The following WDR64 variants were observed in gnomAD, a reference collection of about 807,000 sequenced individuals.
The protein encoded by WDR64 is WD repeat-containing protein 64.
WDR64 carries 112 observed loss-of-function variants against 139.3 expected under a neutral mutation model. The ratio of observed to expected loss-of-function variants is 0.80; its 90% CI spans 0.69 to 0.94. The LOEUF is 0.94. Ranked by LOEUF, WDR64 falls within the 40% of genes least tolerant of loss-of-function variation. WDR64 has a pLI of 0.00. For synonymous variants in WDR64, 444 were observed against 437.7 expected, an observed-to-expected ratio of 1.01 and a Z score of -0.18; for missense variants, 1,206 against 1,293.1, an observed-to-expected ratio of 0.93 and a Z score of 1.03.
intron 9 of WDR64, among the ~76,000 whole-genome samples, chr1:241,718,925 C>A (rs1490177696): frequency 6.6e-6 from 1 of 152,116 alleles, no homozygotes; most frequent in African/African-American, 2.4e-5. Context: ...GCCTTCATTA[C>A]CTCATTGGAA....
chr1:241,725,073 G>GA (rs921808874), intron 10 of WDR64, among the ~76,000 whole-genome samples: 3 of 152,008 alleles, frequency 2.0e-5, no homozygotes, highest in African/African-American at 7.3e-5. Flanking sequence ...AGAGAAATTG[G>GA]AAAAATATCC....
intron 8 of WDR64, among the ~76,000 whole-genome samples, chr1:241,696,851 G>T (rs1244201632): frequency 6.6e-6 from 1 of 152,134 alleles, no homozygotes; most frequent in African/African-American, 2.4e-5. Context: ...ATCTCATCCT[G>T]TGACTAAGAA....
intron 10 of WDR64, among the ~76,000 whole-genome samples, chr1:241,737,043 A>G (rs1449715074): frequency 1.3e-5 from 2 of 152,148 alleles, no homozygotes; most frequent in African/African-American, 2.4e-5. Flanking sequence ...CCTTGAATCC[A>G]CTTTTGTGTC....
intron 5 of WDR64, 98 bp from the exon 6 acceptor site, chr1:241,679,387 A>G: frequency 9.8e-7 from 1 of 1,017,936 alleles, no homozygotes; most frequent in Non-Finnish European, 1.5e-6. Context: ...AAGGCAGCAA[A>G]ATGGAGCTTT....
chr1:241,679,903 C>T (rs1402311588), intron 6 of WDR64, among the ~76,000 whole-genome samples: 2 of 152,116 alleles, frequency 1.3e-5, no homozygotes, highest in Admixed American at 6.5e-5. Context: ...CTCATGTTAT[C>T]AAGTTCAAGT....
intron 3 of WDR64, among the ~76,000 whole-genome samples, chr1:241,671,996 G>T (rs1011116406): frequency 2.6e-5 from 4 of 152,086 alleles, no homozygotes; most frequent in Non-Finnish European, 5.9e-5. Context: ...CCAACATAAT[G>T]AAACCCTGTC....
At chr1:241,783,881 A>G (rs1305289348) in intron 23 of WDR64, among the ~76,000 whole-genome samples, 7 of 152,250 alleles carry the variant, frequency 4.6e-5, no homozygotes, top group African/African-American at 1.7e-4. Flanking sequence ...ACACATACAC[A>G]TATAAAGAGA....
intron 15 of WDR64, among the ~76,000 whole-genome samples, chr1:241,761,339 A>C (rs185848196): frequency 1.3e-5 from 2 of 152,274 alleles, no homozygotes; most frequent in Admixed American, 6.5e-5. Flanking sequence ...AAAAATGAAC[A>C]ACCATTCTAT....
In WDR64 at chr1:241,738,452, T is replaced by G. The variant is rs1441967758; in HGVS notation, c.1284T>G (p.Ser428=). ...GACCAGGAGACATGCAGATTTACTC[T>G]ATGATATATGATGCCAATCATGGCA... ...QGGPGDMQIY[S]MIYDANHGML... Residue 428 remains serine, a synonymous_variant, in exon 11 of 28, where the codon TCT becomes TCG. Coordinates refer to ENST00000437684, the MANE Select transcript of WDR64 (RefSeq NM_001367482.1). The G allele has an allele frequency of 2.5e-6, 4 of 1,613,436 alleles. No homozygotes were observed. In the African/African-American group the frequency reaches 4.0e-5, roughly 16 times the overall value.
chr1:241,802,213 T>C lies in WDR64; in HGVS notation c.*998T>C. On this transcript the variant is annotated 3_prime_UTR_variant, in exon 28 of 28. Coordinates refer to ENST00000437684, the MANE Select transcript of WDR64 (RefSeq NM_001367482.1). ...GGTAGGACAATGGAATCCTCAGCAA[T>C]TAAAGGGAATAAAATGCTAATGCAT... 1 of 393,546 alleles carries C rather than the reference T, an allele frequency of 2.5e-6. No homozygotes were observed. The highest frequency in any genetic ancestry group is 4.5e-6 in the Non-Finnish European group (1 of 224,572). 24.4% of individuals were successfully genotyped at this position (393,546 alleles called of 1,614,324 possible).
rs994175507 is a variant in WDR64, at chr1:241,732,381, T to G, written c.1195-5982T>G. ...AGATCTACTCAAGAACAACAGGGCT[T>G]CTATTAATCTTTGTATCTGTAACAC... is the stretch of plus-strand genomic sequence containing the variant. On this transcript the variant is annotated intron_variant, in intron 10 of 27. Transcript: ENST00000437684. Among the ~76,000 whole-genome samples, 11 of 152,312 alleles carry G rather than the reference T, an allele frequency of 7.2e-5. No individual in the cohort carries two copies. The East Asian group carries it at 1.7e-3, about 24-fold the overall frequency.
chr1:241,708,697 TTTTTTTGTTTTTTTG>T (rs1417026061), intron 8 of WDR64, among the ~76,000 whole-genome samples: 11 of 68,776 alleles, frequency 1.6e-4, no homozygotes, highest in Admixed American at 3.6e-4. Flanking sequence ...CCATGGTTTT[TTTTTTTGTTTTTTTG>T]TTTTTTTTTT....
chr1:241,685,121 A>G (rs2148113133), intron 7 of WDR64, among the ~76,000 whole-genome samples: 1 of 151,376 alleles, frequency 6.6e-6, no homozygotes, highest in Non-Finnish European at 1.5e-5. Context: ...TACTTTAGAT[A>G]TTAATCATTT....
chr1:241,662,440 G>T (rs147478139), intron 2 of WDR64, among the ~76,000 whole-genome samples: 1 of 152,224 alleles, frequency 6.6e-6, no homozygotes, highest in African/African-American at 2.4e-5. Context: ...GGCTGCAAGC[G>T]TCCCTCTTGT....
intron 8 of WDR64, among the ~76,000 whole-genome samples, chr1:241,688,685 C>A (rs1004248184): frequency 6.6e-6 from 1 of 152,202 alleles, no homozygotes; most frequent in Non-Finnish European, 1.5e-5. Flanking sequence ...GGAATCACAA[C>A]TTACTGGAGC....
chr1:241,664,390 A>T (rs1488151388), intron 2 of WDR64, among the ~76,000 whole-genome samples: 1 of 152,236 alleles, frequency 6.6e-6, no homozygotes, highest in African/African-American at 2.4e-5. Flanking sequence ...CAATATAAAA[A>T]AATTATGAAC....
At chr1:241,763,346 T>G (rs1206024680) in intron 15 of WDR64, among the ~76,000 whole-genome samples, 2 of 152,248 alleles carry the variant, frequency 1.3e-5, no homozygotes, top group African/African-American at 4.8e-5. Flanking sequence ...ATCTTTATTT[T>G]TTGTAGTTAT....
intron 9 of WDR64, among the ~76,000 whole-genome samples, chr1:241,718,771 C>T (rs551492101): frequency 8.5e-5 from 13 of 152,146 alleles, no homozygotes; most frequent in South Asian, 2.1e-4. Context: ...CAGTTTCTGG[C>T]GAGAGCTCTC....
chr1:241,677,391 C>CT, intron 4 of WDR64: 1 of 398,548 alleles, frequency 2.5e-6, no homozygotes, highest in African/African-American at 2.1e-5. Flanking sequence ...GAAAGACAGT[C>CT]TGTGGGTAGC....
Sources: gnomAD v4.1 joint callset for allele counts (sites outside exome capture counted in the v4.1 genomes callset) on GRCh38, gnomAD v4.1.1 for gene constraint, MANE v1.5 for transcripts, NCBI Gene and HGNC (gene_info 2026-07-23, HGNC 2026-07-21) for gene names.